LRRC69: variants seen among roughly 807,000 people sequenced by gnomAD.
LRRC69 encodes leucine rich repeat containing 69.
LRRC69 carries 42 observed loss-of-function variants against 37.8 expected under a neutral mutation model. That is an observed-to-expected ratio of 1.11 (90% CI 0.87 to 1.44). The LOEUF (loss-of-function observed/expected upper bound fraction) is 1.44, where lower values mean the gene tolerates loss of function less well. Among genes scored for constraint, LRRC69 ranks in the 40% most tolerant of loss-of-function variants. The pLI, the probability that LRRC69 is intolerant of heterozygous loss-of-function variation, is 0.00. For missense variants in LRRC69, 357 were observed against 401.9 expected (o/e 0.89, Z 0.96); for synonymous variants, 141 against 143.1 (o/e 0.99, Z 0.11).
chr8:91,197,939 G>T (rs1358123875), intron 6 of LRRC69, among the ~76,000 whole-genome samples: 1 of 152,174 alleles, frequency 6.6e-6, no homozygotes, highest in African/African-American at 2.4e-5. Flanking sequence ...TGTAAATGAT[G>T]TGTGTAGTTT....
intron 5 of LRRC69, among the ~76,000 whole-genome samples, chr8:91,150,694 G>A (rs1586248316): frequency 6.6e-6 from 1 of 152,002 alleles, no homozygotes; most frequent in South Asian, 2.1e-4. Context: ...GGTAGAATTC[G>A]GCTGTGAATC....
chr8:91,118,226 C>T lies in LRRC69; in HGVS notation c.184-6267C>T, dbSNP rs903181107. Reference sequence around the variant, plus strand: ...TGACTTGTAAAATTTCCTTCTAGGCCGGGTGCGGTGGCTCATGCCTGTAAT... The same window carrying T: ...TGACTTGTAAAATTTCCTTCTAGGCTGGGTGCGGTGGCTCATGCCTGTAAT... On this transcript the variant is annotated intron_variant, in intron 1 of 7. Transcript: ENST00000448384. The T allele has an allele frequency of 3.7e-5, 17 of 454,976 alleles. 1 individual carries two copies. The highest frequency in any genetic ancestry group is 1.5e-4 in the South Asian group (10 of 64,530). 28.2% of individuals were successfully genotyped at this position (454,976 alleles called of 1,614,324 possible). A position where few individuals can be genotyped will look rare whatever the true frequency, so the allele number is the denominator to read the frequency against.
In LRRC69 at chr8:91,127,140, G is replaced by A. The variant is rs1310773040; in HGVS notation, c.363G>A (p.Gln121=). 12 of 1,548,354 alleles carry A rather than the reference G, an allele frequency of 7.8e-6. 1 individual carries two copies. The highest frequency in any genetic ancestry group is 8.7e-6 in the Non-Finnish European group (10 of 1,146,152). The change falls in exon 3 of 8, where the codon CAG becomes CAA. Residue 121 remains glutamine, a synonymous_variant. Transcript: ENST00000448384. The stretch of plus-strand genomic sequence containing the variant: ...ATCTGAACAACAATCATCTTACGCA[G>A]CTTCCTCAAGAAGTCAGCAGGTAAT...
intron 2 of LRRC69, among the ~76,000 whole-genome samples, chr8:91,125,976 G>T (rs546247754): frequency 2.0e-5 from 3 of 151,872 alleles, no homozygotes; most frequent in African/African-American, 7.2e-5. Flanking sequence ...AGGGTAATTG[G>T]CATAGCCATC....
intron 5 of LRRC69, among the ~76,000 whole-genome samples, chr8:91,163,647 C>G (rs1808983378): frequency 6.6e-6 from 1 of 151,402 alleles, no homozygotes; most frequent in South Asian, 2.1e-4. Flanking sequence ...GTTCTTTCTT[C>G]TAAGACCACT....
At chr8:91,148,129 C>T (rs1032536832) in intron 5 of LRRC69, among the ~76,000 whole-genome samples, 2 of 151,136 alleles carry the variant, frequency 1.3e-5, no homozygotes, top group Non-Finnish European at 2.9e-5. Context: ...ATGTACACAA[C>T]GTGCAGGTTA....
At chr8:91,145,178 C>A (rs1217311500) in intron 5 of LRRC69, among the ~76,000 whole-genome samples, 2 of 151,880 alleles carry the variant, frequency 1.3e-5, no homozygotes, top group Admixed American at 6.6e-5. Flanking sequence ...TGCCTTGTAT[C>A]AAAACTCCTA....
At chr8:91,205,795 A>T (rs986222482) in intron 7 of LRRC69, among the ~76,000 whole-genome samples, 1 of 152,138 alleles carries the variant, frequency 6.6e-6, no homozygotes, top group African/African-American at 2.4e-5. Context: ...TAATCAGAGA[A>T]ATCATTCTCA....
chr8:91,152,899 GCT>G (rs2130550047), intron 5 of LRRC69, among the ~76,000 whole-genome samples: 1 of 151,256 alleles, frequency 6.6e-6, no homozygotes, highest in South Asian at 2.1e-4. Flanking sequence ...AAGTAAATGG[GCT>G]AAATACCCCA....
chr8:91,142,796 T>A (rs1333565793), intron 5 of LRRC69, among the ~76,000 whole-genome samples: 2 of 152,068 alleles, frequency 1.3e-5, no homozygotes, highest in Non-Finnish European at 2.9e-5. Context: ...CTTCTGCCTC[T>A]GAGGAATCCA....
chr8:91,115,037 C>A (rs1275131287), intron 1 of LRRC69, among the ~76,000 whole-genome samples: 1 of 151,712 alleles, frequency 6.6e-6, no homozygotes, highest in Non-Finnish European at 1.5e-5. Context: ...CTACAAGGGT[C>A]TAGGGAGAGG....
At chr8:91,181,288 G>T (rs1809320638) in intron 5 of LRRC69, among the ~76,000 whole-genome samples, 1 of 152,098 alleles carries the variant, frequency 6.6e-6, no homozygotes, top group South Asian at 2.1e-4. Context: ...AAGAGTCATT[G>T]CTGGGCACAT....
chr8:91,203,113 C>G (rs957270726), intron 7 of LRRC69, among the ~76,000 whole-genome samples: 2 of 151,954 alleles, frequency 1.3e-5, no homozygotes, highest in Admixed American at 1.3e-4. Context: ...TATGAGACTC[C>G]TGCAAAATCT....
intron 5 of LRRC69, among the ~76,000 whole-genome samples, chr8:91,141,000 T>A (rs1188579397): frequency 6.6e-6 from 1 of 152,082 alleles, no homozygotes; most frequent in Non-Finnish European, 1.5e-5. Context: ...CTTTTCTTTA[T>A]CGTGTGTTCA....
intron 5 of LRRC69, chr8:91,158,556 C>A: frequency 8.3e-7 from 1 of 1,198,168 alleles, no homozygotes; most frequent in Non-Finnish European, 1.2e-6. Context: ...TTTTCACGGC[C>A]ATAGCTTCTA....
At chr8:91,146,534 T>TTCTC (rs57117164) in intron 5 of LRRC69, among the ~76,000 whole-genome samples, 102,287 of 150,844 alleles carry the variant, frequency 0.68, 35,223 homozygotes, top group Middle Eastern at 0.74. Flanking sequence ...TTTAGATGAT[T>TTCTC]TCTCTCTCCC....
intron 3 of LRRC69, among the ~76,000 whole-genome samples, chr8:91,127,448 T>C (rs1482297019): frequency 6.6e-6 from 1 of 151,886 alleles, no homozygotes; most frequent in Non-Finnish European, 1.5e-5. Flanking sequence ...TCTTGGAGCT[T>C]GGTTAGCCAC....
chr8:91,207,379 AT>A (rs565069846), intron 7 of LRRC69, among the ~76,000 whole-genome samples: 28 of 151,734 alleles, frequency 1.8e-4, no homozygotes, highest in Admixed American at 3.3e-4. Context: ...CTTAATAAGT[AT>A]TTTTTTTTAT....
At chr8:91,165,126 C>A (rs112715680) in intron 5 of LRRC69, among the ~76,000 whole-genome samples, 4 of 151,612 alleles carry the variant, frequency 2.6e-5, no homozygotes, top group African/African-American at 7.3e-5. Context: ...GTAGTTCCCC[C>A]ACAAAAGGAA....
Sources: allele counts gnomAD v4.1 joint callset (sites outside exome capture counted in the v4.1 genomes callset), GRCh38; gene constraint gnomAD v4.1.1; transcripts MANE v1.5; gene names NCBI Gene and HGNC (gene_info 2026-07-23, HGNC 2026-07-21).